Variants in PRL observed in about 807,000 individuals in gnomAD.
PRL encodes the protein prolactin.
PRL carries 24 observed loss-of-function variants against 21.3 expected under a neutral mutation model. The observed-to-expected ratio is 1.13, with a 90% CI of 0.82 to 1.59. The LOEUF is 1.59. Among genes scored for constraint, PRL ranks in the 40% most tolerant of loss-of-function variants. PRL has a pLI of 0.00. For missense variants in PRL, 243 were observed against 286.9 expected, an observed-to-expected ratio of 0.85 and a Z score of 1.10; for synonymous variants, 118 against 115.7, an observed-to-expected ratio of 1.02 and a Z score of -0.13.
chr6:22,297,038 GT>G, upstream of PRL: 6 of 1,585,900 alleles, frequency 3.8e-6, no homozygotes, highest in Admixed American at 1.7e-5. Flanking sequence ...AAGTCTCACG[GT>G]TTTCTCTTTC....
intron 3 of PRL, among the ~76,000 whole-genome samples, chr6:22,291,223 G>A (rs1296732939): frequency 6.6e-6 from 1 of 151,834 alleles, no homozygotes; most frequent in Non-Finnish European, 1.5e-5. Context: ...GGATATGAAA[G>A]AAATGAGCTA....
chr6:22,287,882 A>G (rs537381131), intron 4 of PRL, among the ~76,000 whole-genome samples: 1 of 152,208 alleles, frequency 6.6e-6, no homozygotes, highest in Admixed American at 6.5e-5. Flanking sequence ...AAATATTGAC[A>G]TAGATTTGAC....
At position 22,292,621 on chromosome 6, in the gene PRL, C is replaced by T. The variant is rs751392137; in HGVS notation, c.229G>A (p.Gly77Arg). 13 of 1,613,936 alleles carry T rather than the reference C, an allele frequency of 8.1e-6. No individual in the cohort carries two copies. The highest frequency in any genetic ancestry group is 1.1e-5 in the Non-Finnish European group (13 of 1,179,980). ...CTGTTGATGGCCTTGGTAATGAACC[C>T]CCGGCCATGGGTATACCGTTTATCC... Reference protein sequence around the residue: ...EFDKRYTHGRGFITKAINSCH... With the variant: ...EFDKRYTHGRRFITKAINSCH... The change falls in exon 3 of 5, where the codon GGG becomes AGG. Residue 77 changes from glycine to arginine, a missense_variant. Physicochemically the swap from Gly to Arg is moderately radical, Grantham distance 125 (BLOSUM62 -2). Transcript: ENST00000306482.
rs1760970000 is a variant in PRL, at chr6:22,288,417, C to T, written c.493-824G>A. On this transcript the variant is annotated intron_variant, in intron 4 of 4. Transcript: ENST00000306482. This position sits in a 1 kb window ranked among gnomAD's most constrained non-coding sequence, Gnocchi z 4.5. ...GTGCCTATTGGTGCACGCCTGTTGT[C>T]CCAGCTACTTGGGAGGCTGAGGCAT... 6.6e-6 allele frequency among the ~76,000 whole-genome samples: 1 copy of T among 151,996 alleles called. No individual in the cohort carries two copies. The highest frequency in any genetic ancestry group is 1.5e-5 in the Non-Finnish European group (1 of 67,998).
intron 2 of PRL, among the ~76,000 whole-genome samples, chr6:22,294,071 T>A (rs1228852212): frequency 1.3e-5 from 2 of 152,146 alleles, no homozygotes; most frequent in African/African-American, 2.4e-5. Flanking sequence ...GCCTGTGGAG[T>A]CTGACCTCTA....
At chr6:22,291,541 A>G (rs1761049212) in intron 3 of PRL, among the ~76,000 whole-genome samples, 1 of 152,106 alleles carries the variant, frequency 6.6e-6, no homozygotes, top group Non-Finnish European at 1.5e-5. Flanking sequence ...TACTCCAATG[A>G]GCATTTTTTT....
chr6:22,292,601 G>C lies in PRL; in HGVS notation c.249C>G (p.Ile83Met), dbSNP rs748655589. Residue 83 changes from isoleucine (I) to methionine (M), a missense_variant, in exon 3 of 5, where the codon ATC becomes ATG. Transcript: ENST00000306482. The stretch of plus-strand genomic sequence containing the variant: ...CAAGGGAAGAAGTGTGGCAGCTGTT[G>C]ATGGCCTTGGTAATGAACCCCCGGC... ...THGRGFITKA[I>M]NSCHTSSLAT... 6.2e-7 allele frequency: 1 copy of C among 1,614,046 alleles called. No individual in the cohort carries two copies. The highest frequency in any genetic ancestry group is 1.1e-5 in the South Asian group (1 of 91,066).
In PRL at chr6:22,287,585, A is replaced by C; in HGVS notation, c.501T>G (p.Pro167=). The part of the protein sequence containing the change: ...GMELIVSQVH[P]ETKENEIYPV... ...GGTAGATCTCATTTTCTTTGGTTTC[A>C]GGATGAACCTAATCACACAAAAAAA... The change falls in exon 5 of 5, where the codon CCT becomes CCG. Residue 167 remains proline (P), a synonymous_variant. Coordinates refer to ENST00000306482, the MANE Select transcript of PRL (RefSeq NM_000948.6). 1 of 1,601,144 alleles carries C rather than the reference A, an allele frequency of 6.2e-7. No homozygotes were observed. The highest frequency in any genetic ancestry group is 1.1e-5 in the South Asian group (1 of 89,266).
At chr6:22,294,035 T>C (rs1352748386) in intron 2 of PRL, among the ~76,000 whole-genome samples, 1 of 152,190 alleles carries the variant, frequency 6.6e-6, no homozygotes, top group African/African-American at 2.4e-5. Flanking sequence ...CATTATTGGA[T>C]ATCTATTCCG....
upstream of PRL, chr6:22,297,094 T>C (rs1192148363): frequency 6.4e-6 from 7 of 1,089,526 alleles, no homozygotes; most frequent in Admixed American, 1.6e-4. Context: ...ATGAATATAA[T>C]GAATCAGGCA....
At chr6:22,301,520 C>T (rs1436789582), upstream of PRL, among the ~76,000 whole-genome samples, 3 of 152,086 alleles carry the variant, frequency 2.0e-5, no homozygotes, top group South Asian at 6.2e-4. Flanking sequence ...TGAGTCTGTA[C>T]TAAGTATTTT....
chr6:22,290,475 AT>A, intron 3 of PRL, 122 bp from the exon 4 acceptor site: 1 of 761,700 alleles, frequency 1.3e-6, no homozygotes, highest in Non-Finnish European at 1.8e-6. Flanking sequence ...GTGTAGGTAC[AT>A]TTTTCTTTAG....
rs1760982751 is a variant in PRL, at chr6:22,288,883, CGCGTGTGTGTGCGTGTGT to C, written c.492+1273_492+1290del. Reference sequence around the variant, plus strand: ...AAGTGTGTGTGTGTGTATGCGCGTGCGCGTGTGTGTGCGTGTGTGCGCGCGCGTGTGTGTGCGTGCGCG... The same window carrying C: ...AAGTGTGTGTGTGTGTATGCGCGTGCGCGCGCGCGTGTGTGTGCGTGCGCG... On this transcript the variant is annotated intron_variant, in intron 4 of 4. Transcript: ENST00000306482. The surrounding 1 kb of genome is among the most constrained non-coding windows in gnomAD (Gnocchi z 4.5). 6.6e-6 allele frequency among the ~76,000 whole-genome samples: 1 copy of C among 151,200 alleles called. No individual in the cohort carries two copies. The highest frequency in any genetic ancestry group is 6.6e-5 in the Admixed American group (1 of 15,192).
At chr6:22,295,429 G>A (rs935246659) in intron 1 of PRL, among the ~76,000 whole-genome samples, 1 of 152,158 alleles carries the variant, frequency 6.6e-6, no homozygotes, top group Non-Finnish European at 1.5e-5. Context: ...GTGTAATGGG[G>A]GCCGCATGAG....
chr6:22,302,748 T>G (rs185966374), intron 1 of PRL, among the ~76,000 whole-genome samples: 1 of 152,272 alleles, frequency 6.6e-6, no homozygotes, highest in African/African-American at 2.4e-5. Context: ...TAATAAACTG[T>G]AGGGAACTTA....
Position 22,288,085 on chromosome 6 carries a change from C to G in PRL, c.493-492G>C, listed in dbSNP as rs147101012. Reference sequence around the variant, plus strand: ...TTAAAAAAGATGAAGATTGTACTCACACTTGATGCTTTGGGGTACAGATAA... The same window carrying G: ...TTAAAAAAGATGAAGATTGTACTCAGACTTGATGCTTTGGGGTACAGATAA... On this transcript the variant is annotated intron_variant, in intron 4 of 4. Coordinates refer to ENST00000306482, the MANE Select transcript of PRL (RefSeq NM_000948.6). This position sits in a 1 kb window ranked among gnomAD's most constrained non-coding sequence, Gnocchi z 4.5. 3.4e-3 allele frequency among the ~76,000 whole-genome samples: 521 copies of G among 152,266 alleles called. 5 individuals are homozygous for G. Among genetic ancestry groups the G allele is most frequent in the African/African-American group, 0.012 (496 of 41,526 alleles).
In PRL at chr6:22,294,440, T is replaced by C. The variant is rs373684922; in HGVS notation, c.173A>G (p.His58Arg). The C allele has an allele frequency of 6.8e-6, 11 of 1,613,966 alleles. No homozygotes were observed. The highest frequency in any genetic ancestry group is 7.6e-6 in the Non-Finnish European group (9 of 1,180,018). ...DRAVVLSHYI[H>R]NLSSEMFSEF... ...GCTGAACATTTCTGAGGAGAGGTTA[T>C]GGATGTAGTGGGACAGGACGACGGC... Residue 58 changes from histidine (H) to arginine (R), a missense_variant, in exon 2 of 5, where the codon CAT (histidine) becomes CGT (arginine). Physicochemically the swap from His to Arg is conservative, Grantham distance 29. Coordinates refer to ENST00000306482, the MANE Select transcript of PRL (RefSeq NM_000948.6).
At chr6:22,294,628 A>T in intron 1 of PRL, 44 bp from the exon 2 acceptor site, 1 of 1,489,132 alleles carries the variant, frequency 6.7e-7, no homozygotes, top group Non-Finnish European at 9.0e-7. Flanking sequence ...GATTTATTCC[A>T]CGGAGGTTTT....
chr6:22,292,843 A>G (rs921177051), intron 2 of PRL, among the ~76,000 whole-genome samples, 198 bp from the exon 3 acceptor site: 1 of 152,138 alleles, frequency 6.6e-6, no homozygotes, highest in African/African-American at 2.4e-5. Flanking sequence ...TCATTTTTTC[A>G]TCTAGTTTTC....
Sources: gnomAD v4.1 joint callset for allele counts (sites outside exome capture counted in the v4.1 genomes callset) on GRCh38, gnomAD v4.1.1 for gene constraint, Gnocchi (gnomAD v3.1) non-coding constraint, MANE v1.5 for transcripts, NCBI Gene and HGNC (gene_info 2026-07-23, HGNC 2026-07-21) for gene names.